CAB39L: variants seen among roughly 807,000 people sequenced by gnomAD.
The protein encoded by CAB39L is calcium binding protein 39 like.
A neutral mutation model predicts 39.1 loss-of-function variants in CAB39L; 23 were observed. The ratio of observed to expected loss-of-function variants is 0.59; its 90% CI spans 0.42 to 0.83. The LOEUF is 0.83. Ranked by LOEUF, CAB39L falls within the 40% of genes least tolerant of loss-of-function variation. The pLI is 0.00. For synonymous variants in CAB39L, 126 were observed against 137.2 expected (o/e 0.92, Z 0.57); for missense variants, 366 against 391.9 (o/e 0.93, Z 0.56).
chr13:49,365,604 C>T (rs1435027516), intron 5 of CAB39L, among the ~76,000 whole-genome samples: 4 of 152,190 alleles, frequency 2.6e-5, no homozygotes, highest in African/African-American at 9.7e-5. Flanking sequence ...GATATCCTCT[C>T]ACGACAGTTA....
chr13:49,378,311 G>A (rs2138573924), intron 4 of CAB39L, among the ~76,000 whole-genome samples: 1 of 81,464 alleles, frequency 1.2e-5, no homozygotes, highest in African/African-American at 7.2e-5. Context: ...TGGGAGGGAG[G>A]TGGGGGGTCA....
intron 3 of CAB39L, among the ~76,000 whole-genome samples, chr13:49,394,721 T>C (rs2138632445): frequency 6.6e-6 from 1 of 152,284 alleles, no homozygotes; most frequent in East Asian, 1.9e-4. Context: ...TTTACAATTA[T>C]TTTACATTTT....
At position 49,331,983 on chromosome 13, in the gene CAB39L, A is replaced by C; in HGVS notation, c.798T>G (p.Ser266Arg). The C allele has an allele frequency of 6.2e-7, 1 of 1,614,084 alleles. No homozygotes were observed. The highest frequency in any genetic ancestry group is 1.3e-5 in the African/African-American group (1 of 75,024). ...KLMMNLLRDK[S>R]PNIQFEAFHV... The stretch of plus-strand genomic sequence containing the variant: ...GAAAGGCTTCAAACTGGATGTTGGG[A>C]CTTTTATCCCGAAGGAGGTTCATCA... The change falls in exon 10 of 11, where the codon AGT becomes AGG. Residue 266 changes from serine (S) to arginine (R), a missense_variant. Transcript: ENST00000409308.
chr13:49,429,414 C>T (rs1957287030), intron 3 of CAB39L, among the ~76,000 whole-genome samples: 1 of 152,182 alleles, frequency 6.6e-6, no homozygotes, highest in Admixed American at 6.5e-5. Context: ...TTTTTGACAA[C>T]ACTAATACTA....
At chr13:49,344,768 T>C (rs4942816) in intron 7 of CAB39L, among the ~76,000 whole-genome samples, 77,947 of 151,872 alleles carry the variant, frequency 0.51, 20,778 homozygotes, top group Middle Eastern at 0.64. Flanking sequence ...GTGATCCACC[T>C]GCCTCGGCCT....
In CAB39L at chr13:49,444,064, C is replaced by A. The variant is rs954821313; in HGVS notation, c.-324G>T. On this transcript the variant is annotated 5_prime_UTR_variant, in exon 1 of 11. Coordinates refer to ENST00000409308, the MANE Select transcript of CAB39L (RefSeq NM_001079670.3). ...TAACTCCATTGGCTCAGCTACAGTG[C>A]GCGAGACAAGCCGAGAGCGCTAGCA... 3 of 449,582 alleles carry A rather than the reference C, an allele frequency of 6.7e-6. No homozygotes were observed. Among genetic ancestry groups the A allele is most frequent in the South Asian group, 1.6e-5 (1 of 63,896 alleles). 27.8% of individuals were successfully genotyped at this position (449,582 alleles called of 1,614,324 possible). A position where few individuals can be genotyped will look rare whatever the true frequency, so the allele number is the denominator to read the frequency against.
chr13:49,377,071 C>T lies in CAB39L; in HGVS notation c.172G>A (p.Glu58Lys). 2 of 1,613,588 alleles carry T rather than the reference C, an allele frequency of 1.2e-6. No homozygotes were observed. The highest frequency in any genetic ancestry group is 1.7e-6 in the Non-Finnish European group (2 of 1,179,616). ...AMKEILCGTN[E>K]KEPPTEAVAQ... ...ACTGCTTCTGTTGGGGGTTCTTTCTCGTTTGTACCACACAGAATTTCTTTC... is the reference window on the plus strand; with the variant it reads ...ACTGCTTCTGTTGGGGGTTCTTTCTTGTTTGTACCACACAGAATTTCTTTC... The change falls in exon 5 of 11, where the codon GAG (glutamate) becomes AAG (lysine). Residue 58 changes from glutamate to lysine, a missense_variant. Transcript: ENST00000409308.
intron 3 of CAB39L, among the ~76,000 whole-genome samples, chr13:49,392,608 T>C (rs1216298971): frequency 6.6e-6 from 1 of 151,918 alleles, no homozygotes; most frequent in Non-Finnish European, 1.5e-5. Context: ...ACCACTGTAC[T>C]TCCAGCCTGG....
rs542881892 is a variant in CAB39L, at chr13:49,311,015, A to C, written c.835-22T>G. On this transcript the variant is annotated intron_variant, in intron 10 of 10. Transcript: ENST00000409308. Reference sequence around the variant, plus strand: ...ACACCTGAAACAAAAAGAAACAAATACTTAGGAGTGCAAGCCAGGGACCTC... The same window carrying C: ...ACACCTGAAACAAAAAGAAACAAATCCTTAGGAGTGCAAGCCAGGGACCTC... The C allele has an allele frequency of 6.2e-5, 100 of 1,608,050 alleles. 1 individual carries two copies. The South Asian group carries it at 9.9e-4, about 16-fold the overall frequency.
intron 3 of CAB39L, among the ~76,000 whole-genome samples, chr13:49,423,245 AT>A (rs1350470719): frequency 6.6e-6 from 1 of 152,238 alleles, no homozygotes; most frequent in Non-Finnish European, 1.5e-5. Flanking sequence ...GAGAATTGGC[AT>A]ATCAAACAAG....
intron 9 of CAB39L, among the ~76,000 whole-genome samples, chr13:49,333,992 CCCT>C (rs1459867978): frequency 1.3e-5 from 2 of 152,152 alleles, no homozygotes; most frequent in African/African-American, 2.4e-5. Context: ...CCAGGAGCTG[CCCT>C]CCTCCGGTTG....
chr13:49,437,641 T>C (rs539341004), intron 1 of CAB39L, among the ~76,000 whole-genome samples: 6 of 152,334 alleles, frequency 3.9e-5, no homozygotes, highest in Non-Finnish European at 2.9e-5. Context: ...TGGATTCTGC[T>C]AGACTGCAGT....
chr13:49,372,920 G>A (rs1234844230), intron 5 of CAB39L, among the ~76,000 whole-genome samples: 3 of 152,052 alleles, frequency 2.0e-5, no homozygotes, highest in African/African-American at 4.8e-5. Flanking sequence ...TGATCCGCCC[G>A]CCTCGGCCTC....
chr13:49,359,712 AC>A lies in CAB39L; in HGVS notation c.395+1del. ...CTACTTGAAAGGAAGCCATGTACCT[AC>A]CCTTTGAGGAGCATAAACAGGATAT... On this transcript the variant is annotated splice_donor_variant, in intron 6 of 10. Transcript: ENST00000409308. LOFTEE classifies it high-confidence loss of function. 1 of 1,528,724 alleles carries A rather than the reference AC, an allele frequency of 6.5e-7. No homozygotes were observed. Among genetic ancestry groups the A allele is most frequent in the Non-Finnish European group, 9.0e-7 (1 of 1,105,646 alleles). 94.7% of individuals were successfully genotyped at this position (1,528,724 alleles called of 1,614,324 possible). A position where few individuals can be genotyped will look rare whatever the true frequency, so the allele number is the denominator to read the frequency against.
rs1330588630 is a variant in CAB39L at position 49,310,651 on chromosome 13, AT to A, written c.*162del. On this transcript the variant is annotated 3_prime_UTR_variant, in exon 11 of 11. Coordinates refer to ENST00000409308, the MANE Select transcript of CAB39L (RefSeq NM_001079670.3). ...AAAATGAATATATTATTCTAGGTTAATTTTTTTCCATTCAAATGTTTATACT... is the reference window on the plus strand; with the variant it reads ...AAAATGAATATATTATTCTAGGTTAATTTTTTCCATTCAAATGTTTATACT... 7 of 573,148 alleles carry A rather than the reference AT, an allele frequency of 1.2e-5. No individual in the cohort carries two copies. Among genetic ancestry groups the A allele is most frequent in the Admixed American group, 9.6e-5 (3 of 31,136 alleles). 35.5% of individuals were successfully genotyped at this position (573,148 alleles called of 1,614,324 possible).
intron 10 of CAB39L, 61 bp from the exon 11 acceptor site, chr13:49,311,054 C>T (rs2138314263): frequency 6.1e-6 from 9 of 1,471,434 alleles, no homozygotes; most frequent in Non-Finnish European, 8.4e-6. Flanking sequence ...CACGCTACAG[C>T]AGTGCAGGCC....
chr13:49,401,463 C>A (rs1004189437), intron 3 of CAB39L: 4 of 152,194 alleles, frequency 2.6e-5, no homozygotes, highest in African/African-American at 7.2e-5. Flanking sequence ...GTCTCTTAAT[C>A]TGTCACAGGC....
intron 3 of CAB39L, among the ~76,000 whole-genome samples, chr13:49,422,013 G>A (rs1280857709): frequency 3.9e-5 from 6 of 151,946 alleles, no homozygotes; most frequent in Admixed American, 6.6e-5. Context: ...CGGGGAGAGA[G>A]GGATAACTTA....
chr13:49,369,321 A>C (rs1221207714), intron 5 of CAB39L, among the ~76,000 whole-genome samples: 1 of 152,234 alleles, frequency 6.6e-6, no homozygotes, highest in Non-Finnish European at 1.5e-5. Context: ...AATATCCCAC[A>C]AGTGGGGAAT....
Sources: gnomAD v4.1 joint callset for allele counts (sites outside exome capture counted in the v4.1 genomes callset) on GRCh38, gnomAD v4.1.1 for gene constraint, MANE v1.5 for transcripts, NCBI Gene and HGNC (gene_info 2026-07-23, HGNC 2026-07-21) for gene names.